GAR1: variants seen among roughly 807,000 people sequenced by gnomAD.
The protein encoded by GAR1 is GAR1 ribonucleoprotein.
A neutral mutation model predicts 29.3 loss-of-function variants in GAR1; 11 were observed. The ratio of observed to expected loss-of-function variants is 0.38; its 90% confidence interval spans 0.24 to 0.62. GAR1 has a LOEUF of 0.62. Among genes scored for constraint, GAR1 ranks in the 20% least tolerant of loss-of-function variants. GAR1 has a pLI of 0.62. For synonymous variants in GAR1, 87 were observed against 93.3 expected (o/e 0.93, Z 0.39); for missense variants, 237 against 268.4 (o/e 0.88, Z 0.82).
Position 109,822,431 on chromosome 4 carries a change from G to A in GAR1, c.514G>A (p.Gly172Ser), listed in dbSNP as rs1462270928. 1 of 1,611,228 alleles carries A rather than the reference G, an allele frequency of 6.2e-7. No individual in the cohort carries two copies. The highest frequency in any genetic ancestry group is 8.5e-7 in the Non-Finnish European group (1 of 1,177,836). Residue 172 changes from glycine (G) to serine (S), a missense_variant, in exon 5 of 7, where the codon GGC becomes AGC. By Grantham distance (56) the Gly-to-Ser change is moderately conservative. Coordinates refer to ENST00000226796, the MANE Select transcript of GAR1 (RefSeq NM_018983.4). Reference protein sequence around the residue: ...PGEKGPPRGGGRGGRGGGRGG... With the variant: ...PGEKGPPRGGSRGGRGGGRGG... ...TGAGAAAGGACCTCCAAGAGGTGGT[G>A]GCAGGGGAGGCCGAGGAGGAGGAAG...
At chr4:109,816,524 G>A in intron 2 of GAR1, 146 bp downstream of exon 2, 1 of 773,220 alleles carries the variant, frequency 1.3e-6, no homozygotes, top group East Asian at 2.5e-5. Flanking sequence ...AAAGCTGAGG[G>A]ATACTTAGAA....
At chr4:109,820,893 G>T (rs115769730) in intron 4 of GAR1, among the ~76,000 whole-genome samples, 4 of 152,060 alleles carry the variant, frequency 2.6e-5, no homozygotes, top group African/African-American at 4.8e-5. Flanking sequence ...TGCTGAAAAG[G>T]GATTCTCATC....
At chr4:109,822,155 T>TAAA (rs59097048) in intron 4 of GAR1, among the ~76,000 whole-genome samples, 192 bp from the exon 5 acceptor site, 12 of 101,628 alleles carry the variant, frequency 1.2e-4, no homozygotes, top group African/African-American at 2.2e-4. Flanking sequence ...GAACTTAAGG[T>TAAA]AAAAAAAAAA....
At chr4:109,822,168 AAAAAAAAAAAAG>A (rs1447832280) in intron 4 of GAR1, among the ~76,000 whole-genome samples, 167 bp from the exon 5 acceptor site, 2 of 151,082 alleles carry the variant, frequency 1.3e-5, no homozygotes, top group Non-Finnish European at 3.0e-5. Context: ...AAAAAAAAAA[AAAAAAAAAAAAG>A]AAACCTAAGT....
chr4:109,819,090 T>G, intron 4 of GAR1, 30 bp downstream of exon 4: 1 of 1,229,424 alleles, frequency 8.1e-7, no homozygotes, highest in Non-Finnish European at 1.2e-6. Context: ...CTTGGGATCC[T>G]TGGTTTTATA....
intron 4 of GAR1, among the ~76,000 whole-genome samples, chr4:109,821,350 T>C (rs1733507651): frequency 6.6e-6 from 1 of 152,056 alleles, no homozygotes; most frequent in African/African-American, 2.4e-5. Flanking sequence ...TTTGAGATGA[T>C]GGGCTGTGAA....
chr4:109,816,329 C>T lies in GAR1; in HGVS notation c.165C>T (p.Arg55=), dbSNP rs756651159. The T allele has an allele frequency of 3.1e-5, 50 of 1,613,468 alleles. No individual in the cohort carries two copies. Among genetic ancestry groups the T allele is most frequent in the Non-Finnish European group, 4.1e-5 (48 of 1,179,890 alleles). ...GAGGATTTGGACGAGGGGGTGGCCGCGGAGGCTTTAACAAAGGCCAAGACC... is the reference window on the plus strand; with the variant it reads ...GAGGATTTGGACGAGGGGGTGGCCGTGGAGGCTTTAACAAAGGCCAAGACC... ...GRGGFGRGGG[R]GGFNKGQDQG... Residue 55 remains arginine, a synonymous_variant, in exon 2 of 7, where the codon CGC becomes CGT. Transcript: ENST00000226796.
Position 109,822,424 on chromosome 4 carries a change from A to C in GAR1, c.507A>C (p.Arg169Ser). ...PRPPGEKGPP[R>S]GGGRGGRGGG... ...CTCCAGGTGAGAAAGGACCTCCAAG[A>C]GGTGGTGGCAGGGGAGGCCGAGGAG... The change falls in exon 5 of 7, where the codon AGA becomes AGC. Residue 169 changes from arginine to serine, a missense_variant. Coordinates refer to ENST00000226796, the MANE Select transcript of GAR1 (RefSeq NM_018983.4). The C allele has an allele frequency of 6.2e-7, 1 of 1,610,996 alleles. No homozygotes were observed. The highest frequency in any genetic ancestry group is 8.5e-7 in the Non-Finnish European group (1 of 1,177,642).
chr4:109,822,523 A>G, intron 5 of GAR1, 35 bp downstream of exon 5: 15 of 1,577,466 alleles, frequency 9.5e-6, no homozygotes, highest in Non-Finnish European at 1.3e-5. Flanking sequence ...AATGAAATTA[A>G]CTGTGACTTT....
At chr4:109,824,129 C>T (rs1733591192) in intron 6 of GAR1, 96 bp downstream of exon 6, 1 of 846,154 alleles carries the variant, frequency 1.2e-6, no homozygotes, top group Admixed American at 2.0e-5. Context: ...TCTCTGCCAG[C>T]AAGTATATAG....
intron 4 of GAR1, among the ~76,000 whole-genome samples, chr4:109,820,931 A>G (rs1733497033): frequency 6.6e-6 from 1 of 152,218 alleles, no homozygotes; most frequent in Non-Finnish European, 1.5e-5. Context: ...AATGCTGGTA[A>G]TAGCCACTTA....
intron 2 of GAR1, among the ~76,000 whole-genome samples, chr4:109,817,259 G>A (rs865786638): frequency 2.0e-5 from 3 of 152,316 alleles, no homozygotes; most frequent in African/African-American, 4.8e-5. Context: ...AAAATCGGTA[G>A]AACTTAGCTA....
chr4:109,824,462 C>T lies in GAR1; in HGVS notation c.*31C>T. The stretch of plus-strand genomic sequence containing the variant: ...ACAGTTGACAGACATCACCAGTTGA[C>T]TTCTGCATTAACCTGCATGATCTGT... On this transcript the variant is annotated 3_prime_UTR_variant, in exon 7 of 7. Coordinates refer to ENST00000226796, the MANE Select transcript of GAR1 (RefSeq NM_018983.4). 1.3e-6 allele frequency: 2 copies of T among 1,528,452 alleles called. No homozygotes were observed. Among genetic ancestry groups the T allele is most frequent in the East Asian group, 2.3e-5 (1 of 44,372 alleles). 94.7% of individuals were successfully genotyped at this position (1,528,452 alleles called of 1,614,324 possible). A position where few individuals can be genotyped will look rare whatever the true frequency, so the allele number is the denominator to read the frequency against.
intron 4 of GAR1, 62 bp downstream of exon 4, chr4:109,819,122 A>C (rs781699151): frequency 2.3e-6 from 2 of 863,236 alleles, no homozygotes; most frequent in South Asian, 2.6e-5. Flanking sequence ...TATCTTAGGA[A>C]AGTCCTACTT....
chr4:109,824,331 T>C (rs1456121158), intron 6 of GAR1, 87 bp from the exon 7 acceptor site: 1 of 887,228 alleles, frequency 1.1e-6, no homozygotes, highest in Non-Finnish European at 1.9e-6. Context: ...TTGGAACTAA[T>C]GCTGATTTTA....
At chr4:109,818,141 AT>A in intron 3 of GAR1, 51 bp downstream of exon 3, 1 of 1,382,920 alleles carries the variant, frequency 7.2e-7, no homozygotes, top group East Asian at 2.3e-5. Flanking sequence ...TGCTATTTGC[AT>A]TTTTCTGAGG....
intron 4 of GAR1, among the ~76,000 whole-genome samples, chr4:109,821,465 A>G (rs1401031164): frequency 1.3e-5 from 2 of 152,250 alleles, no homozygotes; most frequent in African/African-American, 4.8e-5. Flanking sequence ...TAGAAGAACT[A>G]TGATACAATA....
At chr4:109,816,074 C>G (rs951732991) in intron 1 of GAR1, 79 bp from the exon 2 acceptor site, 2 of 1,368,334 alleles carry the variant, frequency 1.5e-6, no homozygotes, top group Non-Finnish European at 2.1e-6. Flanking sequence ...TTATGGTGTT[C>G]TCACCGCAGC....
Position 109,824,450 on chromosome 4 carries a change from A to G in GAR1, c.*19A>G. The G allele has an allele frequency of 1.9e-6, 3 of 1,574,690 alleles. No homozygotes were observed. Among genetic ancestry groups the G allele is most frequent in the Non-Finnish European group, 2.6e-6 (3 of 1,144,834 alleles). ...ACATTAAGTGAAACAGTTGACAGAC[A>G]TCACCAGTTGACTTCTGCATTAACC... On this transcript the variant is annotated 3_prime_UTR_variant, in exon 7 of 7. Coordinates refer to ENST00000226796, the MANE Select transcript of GAR1 (RefSeq NM_018983.4).
Sources: allele counts gnomAD v4.1 joint callset (sites outside exome capture counted in the v4.1 genomes callset), GRCh38; gene constraint gnomAD v4.1.1; transcripts MANE v1.5; gene names NCBI Gene and HGNC (gene_info 2026-07-23, HGNC 2026-07-21).